The following PLXNA1 variants were observed in gnomAD, a reference collection of about 807,000 sequenced individuals.
The protein encoded by PLXNA1 is plexin-A1.
Under a neutral mutation model 191.7 loss-of-function variants are expected in PLXNA1, and 77 were observed. The ratio of observed to expected loss-of-function variants is 0.40; its 90% CI spans 0.33 to 0.49. PLXNA1 has a LOEUF of 0.49. Ranked by LOEUF, PLXNA1 falls within the 20% of genes least tolerant of loss-of-function variation. The probability of loss-of-function intolerance (pLI) is 0.63; values close to 1 mark genes in which losing one functional copy is unlikely to be tolerated. For missense variants in PLXNA1, 2,110 were observed against 2,660.2 expected, an observed-to-expected ratio of 0.79 and a Z score of 4.55; for synonymous variants, 1,137 against 1,156.4, an observed-to-expected ratio of 0.98 and a Z score of 0.34.
intron 23 of PLXNA1, chr3:127,027,568 G>C (rs1423110890): frequency 2.1e-5 from 9 of 422,966 alleles, no homozygotes; most frequent in African/African-American, 1.8e-4. Context: ...CAGGCCCCTG[G>C]GAGGCTGGAG....
At chr3:127,003,643 G>A (rs866267648) in intron 4 of PLXNA1, among the ~76,000 whole-genome samples, 173 bp downstream of exon 4, 6 of 152,280 alleles carry the variant, frequency 3.9e-5, no homozygotes, top group Middle Eastern at 3.4e-3. Context: ...TTGTGGGCTC[G>A]GCTGGGTCTG....
rs1306964938 is a variant in PLXNA1 at position 127,016,845 on chromosome 3, G to A, written c.3183-99G>A. On this transcript the variant is annotated intron_variant, in intron 16 of 31. Transcript: ENST00000393409. ...GAGCTTTTACCTGTTTCCTGTCTTT[G>A]GGGAAGGCAGGCTTTGCCTGGCTGA... is the stretch of plus-strand genomic sequence containing the variant. 3 of 1,387,200 alleles carry A rather than the reference G, an allele frequency of 2.2e-6. No homozygotes were observed. In the Admixed American group the frequency reaches 5.6e-5, roughly 26 times the overall value. 85.9% of individuals were successfully genotyped at this position (1,387,200 alleles called of 1,614,324 possible).
At position 127,018,542 on chromosome 3, in the gene PLXNA1, A is replaced by T. The variant is rs1559963100; in HGVS notation, c.3895+14A>T. On this transcript the variant is annotated intron_variant, in intron 20 of 31. Coordinates refer to ENST00000393409, the MANE Select transcript of PLXNA1 (RefSeq NM_032242.4). ...AATGCAAGGAAGGTCTGTTGGGGCC[A>T]GGGCTCACTGGGGCAACTGCCACCT... 1 of 1,592,876 alleles carries T rather than the reference A, an allele frequency of 6.3e-7. No individual in the cohort carries two copies. The highest frequency in any genetic ancestry group is 8.6e-7 in the Non-Finnish European group (1 of 1,164,704).
chr3:126,987,608 T>A (rs1419437353), intron 1 of PLXNA1, among the ~76,000 whole-genome samples: 5 of 151,478 alleles, frequency 3.3e-5, no homozygotes, highest in Non-Finnish European at 5.9e-5. Context: ...TGGGAAGGGG[T>A]CACTGTGGAG....
At chr3:126,985,941 C>G (rs7642761) in intron 1 of PLXNA1, among the ~76,000 whole-genome samples, 5,560 of 151,160 alleles carry the variant, frequency 0.037, 328 homozygotes, top group African/African-American at 0.13. Flanking sequence ...GCCGGCAACC[C>G]TGTGACCCCA....
Position 127,030,372 on chromosome 3 carries a change from A to G in PLXNA1, c.5191A>G (p.Ile1731Val). 6.2e-7 allele frequency: 1 copy of G among 1,613,950 alleles called. No individual in the cohort carries two copies. The highest frequency in any genetic ancestry group is 8.5e-7 in the Non-Finnish European group (1 of 1,180,002). Residue 1731 changes from isoleucine to valine, a missense_variant, in exon 29 of 32, where the codon ATC (isoleucine) becomes GTC (valine). Transcript: ENST00000393409. ...GGATGAGCAGGCCGACAAGCACCAG[A>G]TCCACGATGCTGACGTGCGCCACAC... ...FLDEQADKHQ[I>V]HDADVRHTWK...
chr3:127,029,453 C>G lies in PLXNA1; in HGVS notation c.4787C>G (p.Ser1596Cys). Residue 1596 changes from serine (S) to cysteine (C), a missense_variant, in exon 27 of 32, where the codon TCC (serine) becomes TGC (cysteine). By Grantham distance (112) the Ser-to-Cys change is moderately radical (BLOSUM62 -1). This residue lies in a region of PLXNA1 where 559 missense variants were observed against 911.5 expected (regional missense o/e 0.61). Coordinates refer to ENST00000393409, the MANE Select transcript of PLXNA1 (RefSeq NM_032242.4). ...CTCTGCCCACAGGTGACAGACGGGT[C>G]CTCGGTGGCACTGGTGCCCAAGCAG... ...TLAHYQVTDG[S>C]SVALVPKQTS... is the part of the protein sequence containing the mutation. The G allele has an allele frequency of 6.2e-7, 1 of 1,613,812 alleles. No homozygotes were observed. Among genetic ancestry groups the G allele is most frequent in the African/African-American group, 1.3e-5 (1 of 75,026 alleles).
rs1370550821 is a variant in PLXNA1, at chr3:127,036,645, C to G, written c.*2628C>G. 2.0e-5 allele frequency: 3 copies of G among 152,344 alleles called. No individual in the cohort carries two copies. Among genetic ancestry groups the G allele is most frequent in the Non-Finnish European group, 4.4e-5 (3 of 68,098 alleles). 9.4% of individuals were successfully genotyped at this position (152,344 alleles called of 1,614,324 possible). A position where few individuals can be genotyped will look rare whatever the true frequency, so the allele number is the denominator to read the frequency against. ...CCTAACTGTGCAGCACCTGGGAGCT[C>G]TGGCCTGGGGCTGGAGGCCCTGGTA... On this transcript the variant is annotated 3_prime_UTR_variant, in exon 32 of 32. Transcript: ENST00000393409.
chr3:127,018,407 G>T lies in PLXNA1; in HGVS notation c.3774G>T (p.Leu1258=), dbSNP rs747993454. Residue 1258 remains leucine, a synonymous_variant, in exon 20 of 32, where the codon CTG becomes CTT. Transcript: ENST00000393409. ...GCGGAGGCGGGGGTCTCCTGCTGCT[G>T]GTCATCGTGGCTGTGCTCATCGCCT... ...GIGGGGGLLL[L]VIVAVLIAYK... The T allele has an allele frequency of 3.1e-6, 5 of 1,613,070 alleles. No individual in the cohort carries two copies. In the South Asian group the frequency reaches 5.5e-5, roughly 18 times the overall value.
chr3:126,988,897 C>A lies in PLXNA1; in HGVS notation c.304C>A (p.Gln102Lys). The A allele has an allele frequency of 6.2e-7, 1 of 1,613,296 alleles. No homozygotes were observed. The highest frequency in any genetic ancestry group is 8.5e-7 in the Non-Finnish European group (1 of 1,180,014). ...GAAGTGCTACCCGCCGCCCAGCGTG[C>A]AGTCCTGCCCCCACGGCCTGGGCAG... ...NEKCYPPPSVQSCPHGLGSTD... is the reference protein window; with the variant it reads ...NEKCYPPPSVKSCPHGLGSTD... Residue 102 changes from glutamine (Q) to lysine (K), a missense_variant, in exon 2 of 32, where the codon CAG (glutamine) becomes AAG (lysine). Gln to Lys is a moderately conservative substitution (Grantham distance 53). This residue lies in a region of PLXNA1 where 903 missense variants were observed against 1,015.7 expected (regional missense o/e 0.89). Transcript: ENST00000393409.
intron 20 of PLXNA1, 136 bp from the exon 21 acceptor site, chr3:127,020,060 AAGAGGC>A: frequency 9.9e-7 from 1 of 1,009,280 alleles, no homozygotes; most frequent in Non-Finnish European, 1.5e-6. Flanking sequence ...CTGGGGGACG[AAGAGGC>A]ACAGTAGTTT....
At chr3:127,010,352 G>T (rs879586900) in intron 9 of PLXNA1, among the ~76,000 whole-genome samples, 24 of 152,176 alleles carry the variant, frequency 1.6e-4, no homozygotes, top group Non-Finnish European at 3.4e-4. Flanking sequence ...CCTCCTGTCA[G>T]AGTCAGAGTC....
intron 1 of PLXNA1, among the ~76,000 whole-genome samples, chr3:126,985,116 G>C (rs995380523): frequency 2.9e-4 from 44 of 152,288 alleles, no homozygotes; most frequent in African/African-American, 2.4e-5. Flanking sequence ...GGAGGACTTG[G>C]GGGGATTGGA....
At position 127,032,794 on chromosome 3, in the gene PLXNA1, C is replaced by T. The variant is rs1490354323; in HGVS notation, c.5553C>T (p.Ala1851=). 1 of 1,607,118 alleles carries T rather than the reference C, an allele frequency of 6.2e-7. No homozygotes were observed. Among genetic ancestry groups the T allele is most frequent in the Admixed American group, 1.7e-5 (1 of 59,578 alleles). The change falls in exon 31 of 32, where the codon GCC becomes GCT. Residue 1851 remains alanine (A), a synonymous_variant. Transcript: ENST00000393409. ...LHLSQFNSMS[A]LHEIYSYITK... is the part of the protein sequence containing the mutation. The stretch of plus-strand genomic sequence containing the variant: ...TGAGCCAGTTCAACAGCATGAGCGC[C>T]TTGCACGAGATCTACTCCTACATCA...
rs1348388680 is a variant in PLXNA1 at position 126,985,065 on chromosome 3, C to T, written c.-74+1778C>T. ...TGAGCCACTGGGCAGGATGGCAGCC[C>T]CACACCCCAACCTGCCTGAGCCATA... On this transcript the variant is annotated intron_variant, in intron 1 of 31. Transcript: ENST00000393409. Among the ~76,000 whole-genome samples the T allele has an allele frequency of 2.0e-5, 3 of 152,170 alleles. No individual in the cohort carries two copies. The South Asian group carries it at 6.2e-4, about 31-fold the overall frequency.
chr3:126,988,773 A>G lies in PLXNA1; in HGVS notation c.180A>G (p.Thr60=), dbSNP rs766986726. The stretch of plus-strand genomic sequence containing the variant: ...CCCACCTAGTGGTGCATGAGCAGAC[A>G]GGCGAGGTGTATGTGGGCGCAGTGA... The part of the protein sequence containing the change: ...GLTHLVVHEQ[T]GEVYVGAVNR... Residue 60 remains threonine, a synonymous_variant, in exon 2 of 32, where the codon ACA becomes ACG. Transcript: ENST00000393409. 17 of 1,605,372 alleles carry G rather than the reference A, an allele frequency of 1.1e-5. No individual in the cohort carries two copies. The highest frequency in any genetic ancestry group is 3.3e-4 in the Middle Eastern group (2 of 6,032).
At chr3:126,990,673 C>T (rs1329689997) in intron 2 of PLXNA1, among the ~76,000 whole-genome samples, 1 of 152,206 alleles carries the variant, frequency 6.6e-6, no homozygotes, top group Non-Finnish European at 1.5e-5. Context: ...TGGTTTTGTC[C>T]TCAGGGCAGA....
At position 127,030,013 on chromosome 3, in the gene PLXNA1, C is replaced by T. The variant is rs370783091; in HGVS notation, c.5010C>T (p.Arg1670=). ...ACCTGGACCAGCGTGAGGGTGACCG[C>T]GGCAGCAAGATGGTCTCGGAGATCT... is the stretch of plus-strand genomic sequence containing the variant. ...HDHLDQREGD[R]GSKMVSEIYL... Residue 1670 remains arginine (R), a synonymous_variant, in exon 28 of 32, where the codon CGC becomes CGT. Transcript: ENST00000393409. 4.1e-5 allele frequency: 66 copies of T among 1,613,600 alleles called. No individual in the cohort carries two copies. Among genetic ancestry groups the T allele is most frequent in the Non-Finnish European group, 4.7e-5 (55 of 1,179,930 alleles).
chr3:127,001,724 G>A (rs998080940), intron 3 of PLXNA1, among the ~76,000 whole-genome samples: 14 of 152,250 alleles, frequency 9.2e-5, no homozygotes, highest in African/African-American at 3.4e-4. Flanking sequence ...TGGCTGCGCA[G>A]GTGCGGTGAT....
Sources: gnomAD v4.1 joint callset for allele counts (sites outside exome capture counted in the v4.1 genomes callset) on GRCh38, gnomAD v4.1.1 for gene constraint, gnomAD v4.1.1 regional missense constraint, MANE v1.5 for transcripts, NCBI Gene and HGNC (gene_info 2026-07-23, HGNC 2026-07-21) for gene names.